Variants in TRIO observed in about 807,000 individuals in gnomAD.
TRIO encodes the protein trio Rho guanine nucleotide exchange factor, also known as triple functional domain protein.
A neutral mutation model predicts 351.9 loss-of-function variants in TRIO; 58 were observed. That is an observed-to-expected ratio of 0.16 (90% confidence interval 0.13 to 0.21). The LOEUF (loss-of-function observed/expected upper bound fraction) is 0.21. TRIO is among the 10% of genes least tolerant of loss of function. TRIO has a pLI of 1.00. For missense variants in TRIO, 3,201 were observed against 4,027.8 expected, an observed-to-expected ratio of 0.79 and a Z score of 5.56; for synonymous variants, 1,758 against 1,595.7, an observed-to-expected ratio of 1.10 and a Z score of -2.42.
intron 1 of TRIO, among the ~76,000 whole-genome samples, chr5:14,216,353 C>A (rs1430393817): frequency 6.6e-6 from 1 of 152,182 alleles, no homozygotes; most frequent in Non-Finnish European, 1.5e-5. Flanking sequence ...ACTTGTCCAA[C>A]AATTGTTGTT....
At chr5:14,332,458 A>G (rs1044249083) in intron 10 of TRIO, among the ~76,000 whole-genome samples, 3 of 152,246 alleles carry the variant, frequency 2.0e-5, no homozygotes, top group Admixed American at 6.5e-5. Context: ...CCCCACGTGT[A>G]GCATGCTCTA....
intron 34 of TRIO, among the ~76,000 whole-genome samples, chr5:14,450,050 C>T (rs1752737273): frequency 6.6e-6 from 1 of 152,168 alleles, no homozygotes. Context: ...GCTACATTTT[C>T]CAATGCTTAT....
At chr5:14,383,450 C>T (rs1306521872) in intron 21 of TRIO, among the ~76,000 whole-genome samples, 1 of 152,234 alleles carries the variant, frequency 6.6e-6, no homozygotes, top group Non-Finnish European at 1.5e-5. Context: ...GCCTGCTCCA[C>T]TAATAAAGTG....
Position 14,387,423 on chromosome 5 carries a change from T to G in TRIO, c.3571-15T>G, listed in dbSNP as rs752544023. ...ATTCATTTGCCTCACAATACTTTCC[T>G]GTTGTTTTTTGCAGCAAACCAAAGA... On this transcript the variant is annotated splice_polypyrimidine_tract_variant and intron_variant, in intron 21 of 56. Coordinates refer to ENST00000344204, the MANE Select transcript of TRIO (RefSeq NM_007118.4). 1.9e-6 allele frequency: 3 copies of G among 1,593,338 alleles called. No homozygotes were observed. The highest frequency in any genetic ancestry group is 2.6e-6 in the Non-Finnish European group (3 of 1,168,460).
At chr5:14,252,651 TC>T (rs1395563686) in intron 1 of TRIO, among the ~76,000 whole-genome samples, 2 of 152,222 alleles carry the variant, frequency 1.3e-5, no homozygotes, top group Non-Finnish European at 2.9e-5. Context: ...AACTGACCTT[TC>T]TAGATCCGAA....
Position 14,378,112 on chromosome 5 carries a change from G to T in TRIO, c.3432G>T (p.Glu1144Asp), listed in dbSNP as rs1233227636. 1 of 1,611,640 alleles carries T rather than the reference G, an allele frequency of 6.2e-7. No individual in the cohort carries two copies. The highest frequency in any genetic ancestry group is 1.7e-5 in the Admixed American group (1 of 59,780). Residue 1144 changes from glutamate (E) to aspartate (D), a missense_variant, in exon 20 of 57, where the codon GAG becomes GAT. Coordinates refer to ENST00000344204, the MANE Select transcript of TRIO (RefSeq NM_007118.4). ...AGTGTCAGCAGTACGTGGTCTTTGA[G>T]AGGAGTGCCAAGCAGGTCAGTGCAC... ...LDQCQQYVVF[E>D]RSAKQALEWI...
intron 1 of TRIO, among the ~76,000 whole-genome samples, chr5:14,227,301 A>G (rs1793107730): frequency 1.3e-5 from 2 of 152,200 alleles, no homozygotes; most frequent in South Asian, 4.1e-4. Flanking sequence ...GATATTTTCT[A>G]TCAGTCATAG....
At chr5:14,380,327 G>A (rs1417170906) in intron 20 of TRIO, among the ~76,000 whole-genome samples, 2 of 129,550 alleles carry the variant, frequency 1.5e-5, no homozygotes, top group African/African-American at 3.7e-5. Flanking sequence ...TTCGCGCCCC[G>A]CCTCCTCCTT....
chr5:14,369,613 T>C (rs1744907866), intron 18 of TRIO, 90 bp downstream of exon 18: 7 of 1,450,572 alleles, frequency 4.8e-6, no homozygotes, highest in Non-Finnish European at 3.7e-6. Context: ...CAAGGGAGCC[T>C]GCCCCACACC....
chr5:14,176,342 C>T (rs902764749), intron 1 of TRIO, among the ~76,000 whole-genome samples: 5 of 152,094 alleles, frequency 3.3e-5, no homozygotes, highest in East Asian at 1.9e-4. Context: ...TGGTGGCGGG[C>T]GCCTGTAGTC....
chr5:14,442,201 G>T lies in TRIO; in HGVS notation c.5204-18818G>T, dbSNP rs1009243160. Among the ~76,000 whole-genome samples, 13 of 152,230 alleles carry T rather than the reference G, an allele frequency of 8.5e-5. 1 individual carries two copies. Among genetic ancestry groups the T allele is most frequent in the Admixed American group, 5.9e-4 (9 of 15,288 alleles). On this transcript the variant is annotated intron_variant, in intron 34 of 56. Transcript: ENST00000344204. The stretch of plus-strand genomic sequence containing the variant: ...TCTACCAGAATTTGGGTCTTGGCCT[G>T]GGTCACTTTCAGTGTTTGCCTTCAC...
At chr5:14,260,450 G>C (rs531999526) in intron 1 of TRIO, among the ~76,000 whole-genome samples, 2 of 152,308 alleles carry the variant, frequency 1.3e-5, no homozygotes, top group Admixed American at 1.3e-4. Flanking sequence ...GTTTAAGAGA[G>C]TACCATGCAT....
At chr5:14,400,333 G>A (rs892835388) in intron 30 of TRIO, among the ~76,000 whole-genome samples, 1 of 152,054 alleles carries the variant, frequency 6.6e-6, no homozygotes, top group African/African-American at 2.4e-5. Context: ...CTGGAGCTCT[G>A]GATGATGAAT....
intron 1 of TRIO, among the ~76,000 whole-genome samples, chr5:14,197,783 T>C (rs1790868304): frequency 6.6e-6 from 1 of 152,212 alleles, no homozygotes; most frequent in Non-Finnish European, 1.5e-5. Context: ...ACAGAGCGAC[T>C]TGCAGAAGGC....
intron 34 of TRIO, chr5:14,440,765 C>T (rs4484429): frequency 0.049 from 7,471 of 152,222 alleles, 588 homozygotes; most frequent in African/African-American, 0.17. Context: ...GCGGACCTCC[C>T]TCCAGATGTA....
At chr5:14,183,205 TAGTG>T (rs1314744570) in intron 1 of TRIO, among the ~76,000 whole-genome samples, 2 of 152,088 alleles carry the variant, frequency 1.3e-5, no homozygotes, top group African/African-American at 2.4e-5. Flanking sequence ...GCTACAACCT[TAGTG>T]AGGCTTTCCC....
chr5:14,163,441 C>T (rs1361913588), intron 1 of TRIO, among the ~76,000 whole-genome samples: 3 of 152,092 alleles, frequency 2.0e-5, no homozygotes, highest in Admixed American at 6.5e-5. Flanking sequence ...AGGCTGGTCT[C>T]GAACCACCTG....
chr5:14,158,069 A>C (rs545556010), intron 1 of TRIO, among the ~76,000 whole-genome samples: 1 of 138,464 alleles, frequency 7.2e-6, no homozygotes, highest in Admixed American at 7.1e-5. Context: ...GACACATTTT[A>C]GCAAGAAAAA....
chr5:14,297,460 T>G, intron 7 of TRIO, 197 bp downstream of exon 7: 1 of 565,376 alleles, frequency 1.8e-6, no homozygotes, highest in Non-Finnish European at 3.0e-6. Flanking sequence ...TGACTTAGCC[T>G]CTCTGTTTTG....
Sources: gnomAD v4.1 joint callset for allele counts (sites outside exome capture counted in the v4.1 genomes callset) on GRCh38, gnomAD v4.1.1 for gene constraint, MANE v1.5 for transcripts, NCBI Gene and HGNC (gene_info 2026-07-23, HGNC 2026-07-21) for gene names.